Variants in MPPED2 observed in about 807,000 individuals in gnomAD.
The protein encoded by MPPED2 is metallophosphoesterase MPPED2.
A neutral mutation model predicts 33.0 loss-of-function variants in MPPED2; 5 were observed. That is an observed-to-expected ratio of 0.15 (90% CI 0.08 to 0.32). The LOEUF (loss-of-function observed/expected upper bound fraction) is 0.32. MPPED2 is among the 10% of genes least tolerant of loss of function. The pLI, the probability that MPPED2 is intolerant of heterozygous loss-of-function variation, is 1.00. For synonymous variants in MPPED2, 136 were observed against 141.9 expected, an observed-to-expected ratio of 0.96 and a Z score of 0.29; for missense variants, 275 against 372.1, an observed-to-expected ratio of 0.74 and a Z score of 2.15.
At chr11:30,499,942 T>C (rs1483580352) in intron 3 of MPPED2, among the ~76,000 whole-genome samples, 5 of 152,192 alleles carry the variant, frequency 3.3e-5, no homozygotes, top group Non-Finnish European at 5.9e-5. Context: ...CAGCTTCTTG[T>C]GGGAAATCAA....
At chr11:30,455,067 G>A (rs545300041) in intron 4 of MPPED2, among the ~76,000 whole-genome samples, 4 of 152,332 alleles carry the variant, frequency 2.6e-5, no homozygotes, top group Admixed American at 1.3e-4. Flanking sequence ...ACAGAGCAAA[G>A]CCTCTAGTAT....
At chr11:30,580,734 C>G (rs7124942) in intron 1 of MPPED2, among the ~76,000 whole-genome samples, 19,541 of 152,152 alleles carry the variant, frequency 0.13, 1,546 homozygotes, top group Middle Eastern at 0.25. Flanking sequence ...ACTAAGATTT[C>G]CTCTTTAATT....
intron 3 of MPPED2, among the ~76,000 whole-genome samples, chr11:30,522,621 C>T (rs1187173887): frequency 6.6e-6 from 1 of 152,164 alleles, no homozygotes; most frequent in Non-Finnish European, 1.5e-5. Flanking sequence ...AGGCCTGATG[C>T]GAGGCTCTTC....
At position 30,529,118 on chromosome 11, in the gene MPPED2, G is replaced by C. The variant is rs1590730307; in HGVS notation, c.310+6876C>G. On this transcript the variant is annotated intron_variant, in intron 3 of 6. Coordinates refer to ENST00000358117, the MANE Select transcript of MPPED2 (RefSeq NM_001584.3). ...TACAACAGAATGCTATGCTGACACAGAGCATGATGTGTTCATTTTTTAAGT... is the reference window on the plus strand; with the variant it reads ...TACAACAGAATGCTATGCTGACACACAGCATGATGTGTTCATTTTTTAAGT... Among the ~76,000 whole-genome samples, 5 of 152,240 alleles carry C rather than the reference G, an allele frequency of 3.3e-5. No homozygotes were observed. The South Asian group carries it at 1.0e-3, about 32-fold the overall frequency.
At chr11:30,574,226 A>G (rs1464493747) in intron 2 of MPPED2, among the ~76,000 whole-genome samples, 1 of 152,126 alleles carries the variant, frequency 6.6e-6, no homozygotes, top group Non-Finnish European at 1.5e-5. Context: ...GAGGTGGACC[A>G]TTTTTAATTT....
intron 4 of MPPED2, among the ~76,000 whole-genome samples, chr11:30,446,332 A>G (rs905295576): frequency 5.9e-5 from 9 of 152,216 alleles, no homozygotes; most frequent in African/African-American, 1.9e-4. Flanking sequence ...GCAAGTACCA[A>G]GCTCTGCTAA....
chr11:30,577,597 A>T (rs1956984288), intron 2 of MPPED2, among the ~76,000 whole-genome samples: 1 of 152,212 alleles, frequency 6.6e-6, no homozygotes, highest in African/African-American at 2.4e-5. Context: ...TTCTAATTAG[A>T]TTAAGGCCAA....
chr11:30,551,809 A>G (rs1335298365), intron 2 of MPPED2, among the ~76,000 whole-genome samples: 1 of 152,162 alleles, frequency 6.6e-6, no homozygotes, highest in Non-Finnish European at 1.5e-5. Context: ...AAGTTACTCA[A>G]CCTCATACTT....
chr11:30,398,305 T>C (rs1356126149), intron 6 of MPPED2, among the ~76,000 whole-genome samples: 1 of 152,140 alleles, frequency 6.6e-6, no homozygotes, highest in Non-Finnish European at 1.5e-5. Flanking sequence ...CCCTCAAAAC[T>C]TGTCCTCATT....
At chr11:30,526,868 A>G (rs1400348582) in intron 3 of MPPED2, among the ~76,000 whole-genome samples, 2 of 152,026 alleles carry the variant, frequency 1.3e-5, no homozygotes, top group African/African-American at 4.8e-5. Flanking sequence ...AAAAGTTGCC[A>G]GGTATCAATC....
chr11:30,549,681 C>T (rs1187759496), intron 2 of MPPED2, among the ~76,000 whole-genome samples: 1 of 152,080 alleles, frequency 6.6e-6, no homozygotes, highest in South Asian at 2.1e-4. Context: ...AAACAAAAAC[C>T]TCACAGGTAC....
rs897922594 is a variant in MPPED2, at chr11:30,419,433, C to G, written c.537-1800G>C. 7.9e-5 allele frequency among the ~76,000 whole-genome samples: 12 copies of G among 152,308 alleles called. No individual in the cohort carries two copies. The East Asian group carries it at 2.3e-3, about 29-fold the overall frequency. On this transcript the variant is annotated intron_variant, in intron 4 of 6. Transcript: ENST00000358117. ...GCTTGAGTATCTTGTTGCTTGAAGC[C>G]TAGTGAGCTCTGAACTGGAATAATA... is the stretch of plus-strand genomic sequence containing the variant.
At chr11:30,420,896 T>G (rs1424121804) in intron 4 of MPPED2, among the ~76,000 whole-genome samples, 2 of 152,178 alleles carry the variant, frequency 1.3e-5, no homozygotes, top group African/African-American at 4.8e-5. Flanking sequence ...CTTCTAAGGT[T>G]TGTTTTAAAA....
chr11:30,443,975 G>A (rs1048061366), intron 4 of MPPED2, among the ~76,000 whole-genome samples: 4 of 152,138 alleles, frequency 2.6e-5, no homozygotes, highest in African/African-American at 9.7e-5. Flanking sequence ...TCTGGAAAAA[G>A]CACTAGTTTC....
intron 4 of MPPED2, among the ~76,000 whole-genome samples, chr11:30,468,268 T>TA (rs1950804468): frequency 6.6e-6 from 1 of 150,502 alleles, no homozygotes; most frequent in Non-Finnish European, 1.5e-5. Flanking sequence ...TCTCTCTCTC[T>TA]CTCTCTCTCT....
At chr11:30,501,714 G>T in intron 3 of MPPED2, 1 of 504,108 alleles carries the variant, frequency 2.0e-6, no homozygotes, top group Non-Finnish European at 2.6e-6. Flanking sequence ...CTATGAGCAT[G>T]CAGCAAGGAA....
intron 2 of MPPED2, among the ~76,000 whole-genome samples, chr11:30,546,362 G>C (rs1288639470): frequency 1.3e-5 from 2 of 152,054 alleles, no homozygotes; most frequent in African/African-American, 4.8e-5. Context: ...AATGTTGTAG[G>C]GGAGAGAGTT....
intron 4 of MPPED2, chr11:30,441,322 G>C (rs1287764168): frequency 1.3e-5 from 2 of 152,278 alleles, no homozygotes; most frequent in South Asian, 4.1e-4. Flanking sequence ...GCTGAGAAAA[G>C]GTTTAAGTAG....
intron 3 of MPPED2, among the ~76,000 whole-genome samples, chr11:30,535,055 A>G (rs1954738051): frequency 6.6e-6 from 1 of 152,060 alleles, no homozygotes; most frequent in South Asian, 2.1e-4. Context: ...AATCAAAATA[A>G]TTATGTTATT....
Sources: allele counts gnomAD v4.1 joint callset (sites outside exome capture counted in the v4.1 genomes callset), GRCh38; gene constraint gnomAD v4.1.1; transcripts MANE v1.5; gene names NCBI Gene and HGNC (gene_info 2026-07-23, HGNC 2026-07-21).